SREK1: variants seen among roughly 807,000 people sequenced by gnomAD.
The protein encoded by SREK1 is splicing regulatory glutamine/lysine-rich protein 1.
Under a neutral mutation model 66.5 loss-of-function variants are expected in SREK1, and 13 were observed. That is an observed-to-expected ratio of 0.20 (90% CI 0.13 to 0.31). The LOEUF (loss-of-function observed/expected upper bound fraction) is 0.31. Among genes scored for constraint, SREK1 ranks in the 10% least tolerant of loss-of-function variants. SREK1 has a pLI of 1.00. For missense variants in SREK1, 607 were observed against 769.6 expected (o/e 0.79, Z 2.50); for synonymous variants, 265 against 263.5 (o/e 1.01, Z -0.05).
rs146447023 is a variant in SREK1 at position 66,147,882 on chromosome 5, G to A, written c.161+3345G>A. ...ATATATGTAATATAGCGTAATCAAA[G>A]GAATCACACTGTTATTTTACTTTTT... On this transcript the variant is annotated intron_variant, in intron 1 of 11. Coordinates refer to ENST00000334121, the MANE Select transcript of SREK1 (RefSeq NM_001077199.3). Among the ~76,000 whole-genome samples, 655 of 152,054 alleles carry A rather than the reference G, an allele frequency of 4.3e-3. 7 individuals carry two copies. Among genetic ancestry groups the A allele is most frequent in the African/African-American group, 0.015 (602 of 41,486 alleles).
chr5:66,144,613 G>C, intron 1 of SREK1, 76 bp downstream of exon 1: 1 of 1,470,686 alleles, frequency 6.8e-7, no homozygotes, highest in Non-Finnish European at 9.0e-7. Flanking sequence ...GGAGGAGAGC[G>C]CGGACGCGGG....
At chr5:66,156,314 T>A (rs1001862285) in intron 2 of SREK1, 2 of 1,306,666 alleles carry the variant, frequency 1.5e-6, no homozygotes, top group Admixed American at 7.5e-5. Context: ...CTTTAACTTG[T>A]GAGCTGGTTT....
intron 1 of SREK1, among the ~76,000 whole-genome samples, chr5:66,150,020 G>A (rs1743636737): frequency 6.6e-6 from 1 of 152,132 alleles, no homozygotes; most frequent in Non-Finnish European, 1.5e-5. Context: ...TACCTATTAT[G>A]TACTCATCAT....
chr5:66,164,003 T>A, intron 6 of SREK1, 81 bp downstream of exon 6: 1 of 1,488,802 alleles, frequency 6.7e-7, no homozygotes, highest in Non-Finnish European at 9.1e-7. Context: ...AGAAATCATC[T>A]TGTTCAGTCA....
intron 9 of SREK1, 94 bp downstream of exon 9, chr5:66,171,041 G>A: frequency 7.1e-7 from 1 of 1,417,736 alleles, no homozygotes. Flanking sequence ...CTGTACGCAA[G>A]TGGAACCTGT....
intron 8 of SREK1, 31 bp downstream of exon 8, chr5:66,170,201 T>C: frequency 6.3e-7 from 1 of 1,595,336 alleles, no homozygotes; most frequent in Non-Finnish European, 8.5e-7. Flanking sequence ...CAATAATTTT[T>C]TTTTCCTCAG....
intron 1 of SREK1, among the ~76,000 whole-genome samples, chr5:66,146,813 T>C (rs1429551993): frequency 6.6e-6 from 1 of 152,152 alleles, no homozygotes; most frequent in African/African-American, 2.4e-5. Flanking sequence ...ATCTTTAGAG[T>C]TGAGTAGAAA....
intron 3 of SREK1, among the ~76,000 whole-genome samples, chr5:66,161,721 A>G (rs1744789278): frequency 6.6e-6 from 1 of 152,194 alleles, no homozygotes; most frequent in Non-Finnish European, 1.5e-5. Context: ...AAGGTTAAAT[A>G]TTTTACTAGT....
Position 66,170,645 on chromosome 5 carries a change from C to T in SREK1, c.1182C>T (p.Asp394=). Residue 394 remains aspartate, a synonymous_variant, in exon 9 of 12, where the codon GAC becomes GAT. Coordinates refer to ENST00000334121, the MANE Select transcript of SREK1 (RefSeq NM_001077199.3). ...IKEKERVKEK[D]REKEREREKE... The stretch of plus-strand genomic sequence containing the variant: ...AAAAGGAAAGAGTGAAAGAGAAAGA[C>T]AGGGAAAAGGAGAGAGAGAGGGAAA... 6.2e-7 allele frequency: 1 copy of T among 1,609,506 alleles called. No homozygotes were observed. The highest frequency in any genetic ancestry group is 1.4e-5 in the African/African-American group (1 of 74,064).
At chr5:66,162,087 G>GTTA in intron 3 of SREK1, 22 bp from the exon 4 acceptor site, 2 of 1,603,518 alleles carry the variant, frequency 1.2e-6, no homozygotes, top group South Asian at 2.3e-5. Flanking sequence ...TGTTCTGTGT[G>GTTA]TTTTTTTTCT....
chr5:66,144,350 C>A lies in SREK1; in HGVS notation c.-27C>A, dbSNP rs1051914706. The stretch of plus-strand genomic sequence containing the variant: ...CTGACGCGTCGTAGACGTTGGGGAG[C>A]GGGAAGGCAACGGCAGCGGGATCGG... On this transcript the variant is annotated 5_prime_UTR_variant, in exon 1 of 12. Transcript: ENST00000334121. 18 of 1,507,324 alleles carry A rather than the reference C, an allele frequency of 1.2e-5. No individual in the cohort carries two copies. In the Admixed American group the frequency reaches 2.1e-4, roughly 17 times the overall value. The allele number at this position is 1,507,324 out of a possible 1,614,324, so 93.4% of individuals were successfully genotyped here. A position where few individuals can be genotyped will look rare whatever the true frequency, so the allele number is the denominator to read the frequency against.
chr5:66,170,929 G>A lies in SREK1; in HGVS notation c.1466G>A (p.Arg489Lys), dbSNP rs138451580. ...TPPRSYNASR[R>K]SRSSSRERRR... ...CCCAGGAGTTACAATGCATCGCGAA[G>A]ATCTCGTAGTTCCAGCAGGTTTGAT... The change falls in exon 9 of 12, where the codon AGA (arginine) becomes AAA (lysine). Residue 489 changes from arginine to lysine, a missense_variant. This residue lies in a region of SREK1 where 318 missense variants were observed against 310.3 expected (regional missense o/e 1.02). Coordinates refer to ENST00000334121, the MANE Select transcript of SREK1 (RefSeq NM_001077199.3). 1.9e-6 allele frequency: 3 copies of A among 1,605,756 alleles called. No homozygotes were observed. Among genetic ancestry groups the A allele is most frequent in the Non-Finnish European group, 2.5e-6 (3 of 1,177,442 alleles).
At chr5:66,144,810 C>G (rs1743010552) in intron 1 of SREK1, 1 of 1,155,574 alleles carries the variant, frequency 8.7e-7, no homozygotes. Flanking sequence ...GCTGCTGGGT[C>G]TTCGAATTCC....
intron 1 of SREK1, among the ~76,000 whole-genome samples, chr5:66,152,337 G>A (rs1305246722): frequency 5.3e-5 from 8 of 152,180 alleles, no homozygotes; most frequent in Admixed American, 1.3e-4. Flanking sequence ...GTTCCTGGAC[G>A]TGAAGAATTA....
intron 2 of SREK1, chr5:66,156,201 CTG>C: frequency 7.8e-7 from 1 of 1,280,036 alleles, no homozygotes; most frequent in Non-Finnish European, 9.9e-7. Context: ...GATGGACGCC[CTG>C]TCTCTGTTTT....
At chr5:66,166,441 G>A (rs1175875408) in intron 7 of SREK1, 1 of 152,214 alleles carries the variant, frequency 6.6e-6, no homozygotes, top group African/African-American at 2.4e-5. Context: ...CACAATGTCT[G>A]CGTAGCATTA....
intron 1 of SREK1, among the ~76,000 whole-genome samples, chr5:66,151,852 T>TA (rs1343876034): frequency 7.2e-6 from 1 of 138,882 alleles, no homozygotes; most frequent in Non-Finnish European, 1.6e-5. Flanking sequence ...TTTTTTTTTT[T>TA]TTTTTTTTTT....
intron 2 of SREK1, chr5:66,158,910 T>G: frequency 7.7e-7 from 1 of 1,302,924 alleles, no homozygotes; most frequent in Non-Finnish European, 1.0e-6. Context: ...GTTTGGTTCA[T>G]GAACATTAAG....
chr5:66,146,051 T>C (rs1743167591), intron 1 of SREK1, among the ~76,000 whole-genome samples: 1 of 152,076 alleles, frequency 6.6e-6, no homozygotes, highest in Admixed American at 6.6e-5. Context: ...TTGACGAGAA[T>C]ACTGCATAAG....
Sources: gnomAD v4.1 joint callset for allele counts (sites outside exome capture counted in the v4.1 genomes callset) on GRCh38, gnomAD v4.1.1 for gene constraint, gnomAD v4.1.1 regional missense constraint, MANE v1.5 for transcripts, NCBI Gene and HGNC (gene_info 2026-07-23, HGNC 2026-07-21) for gene names.